The following DCC variants were observed in gnomAD, a reference collection of about 807,000 sequenced individuals.
DCC encodes DCC netrin 1 receptor, also known as netrin receptor DCC.
DCC carries 58 observed loss-of-function variants against 172.5 expected under a neutral mutation model. The observed-to-expected ratio is 0.34, with a 90% CI of 0.27 to 0.42. DCC has a LOEUF of 0.42. Ranked by LOEUF, DCC falls within the 10% of genes least tolerant of loss-of-function variation. The pLI is 1.00. For missense variants in DCC, 1,740 were observed against 1,791.0 expected (o/e 0.97, Z 0.51); for synonymous variants, 709 against 644.5 (o/e 1.10, Z -1.52).
At chr18:53,174,944 C>G (rs1009909577) in intron 8 of DCC, among the ~76,000 whole-genome samples, 1 of 152,128 alleles carries the variant, frequency 6.6e-6, no homozygotes, top group African/African-American at 2.4e-5. Context: ...ACTGGCAAAA[C>G]GAATCCATCA....
At position 52,446,416 on chromosome 18, in the gene DCC, C is replaced by T. The variant is rs141718772; in HGVS notation, c.91+105538C>T. Among the ~76,000 whole-genome samples, 872 of 152,292 alleles carry T rather than the reference C, an allele frequency of 5.7e-3. 12 individuals carry two copies. The highest frequency in any genetic ancestry group is 0.019 in the African/African-American group (790 of 41,554). Reference sequence around the variant, plus strand: ...ACTGGGAACACTGATAGAAGTATCGCCATCTTTCTTCTTTTCCTGGCTTCA... The same window carrying T: ...ACTGGGAACACTGATAGAAGTATCGTCATCTTTCTTCTTTTCCTGGCTTCA... On this transcript the variant is annotated intron_variant, in intron 1 of 28. Transcript: ENST00000442544.
At chr18:52,658,760 T>A (rs746530329) in intron 1 of DCC, among the ~76,000 whole-genome samples, 21 of 151,292 alleles carry the variant, frequency 1.4e-4, no homozygotes, top group East Asian at 1.9e-4. Context: ...GGAAAATATT[T>A]AAAAAAAAAT....
intron 1 of DCC, among the ~76,000 whole-genome samples, chr18:52,573,627 T>C (rs1007670682): frequency 2.6e-5 from 4 of 152,204 alleles, no homozygotes; most frequent in Non-Finnish European, 5.9e-5. Flanking sequence ...AATTAACCTC[T>C]GGTGAGATCA....
intron 7 of DCC, among the ~76,000 whole-genome samples, chr18:53,097,301 G>A (rs180895104): frequency 1.6e-4 from 24 of 152,148 alleles, no homozygotes; most frequent in Non-Finnish European, 2.9e-4. Flanking sequence ...ATCACTTCCC[G>A]GTTGCCCTTC....
chr18:53,516,079 A>C (rs1474401172), intron 27 of DCC, among the ~76,000 whole-genome samples: 1 of 146,390 alleles, frequency 6.8e-6, no homozygotes, highest in African/African-American at 2.8e-5. Flanking sequence ...CCAAAACAGG[A>C]TGGTACTGGT....
intron 8 of DCC, among the ~76,000 whole-genome samples, chr18:53,178,632 G>T (rs1010731782): frequency 2.6e-5 from 4 of 152,164 alleles, no homozygotes; most frequent in African/African-American, 9.7e-5. Flanking sequence ...CTACATTCCA[G>T]ATGTTTCTCC....
chr18:52,455,995 G>A (rs577304213), intron 1 of DCC, among the ~76,000 whole-genome samples: 8 of 152,232 alleles, frequency 5.3e-5, no homozygotes, highest in African/African-American at 1.7e-4. Context: ...AACAAAAAAA[G>A]GTTAACTTTT....
At chr18:53,336,753 GTAGTCCCAGCTAC>G (rs1466473388) in intron 14 of DCC, among the ~76,000 whole-genome samples, 2 of 152,210 alleles carry the variant, frequency 1.3e-5, no homozygotes, top group African/African-American at 4.8e-5. Flanking sequence ...GCACATGCCT[GTAGTCCCAGCTAC>G]TAGGGAGGTT....
chr18:52,813,482 A>C (rs2145254077), intron 2 of DCC, among the ~76,000 whole-genome samples: 1 of 152,334 alleles, frequency 6.6e-6, no homozygotes, highest in Non-Finnish European at 1.5e-5. Flanking sequence ...ATCATGGTGG[A>C]TTCCACAGTA....
chr18:53,049,741 T>C (rs1339217029), intron 5 of DCC, among the ~76,000 whole-genome samples: 2 of 152,054 alleles, frequency 1.3e-5, no homozygotes, highest in Non-Finnish European at 2.9e-5. Flanking sequence ...ATATGATTAG[T>C]AGTTTGATAG....
chr18:52,823,593 G>A (rs1457646938), intron 2 of DCC, among the ~76,000 whole-genome samples: 2 of 151,742 alleles, frequency 1.3e-5, no homozygotes, highest in African/African-American at 2.4e-5. Flanking sequence ...GAGATGTAGG[G>A]GACTCACTCA....
intron 5 of DCC, among the ~76,000 whole-genome samples, chr18:53,051,524 T>G (rs767576894): frequency 1.3e-5 from 2 of 152,186 alleles, no homozygotes; most frequent in Non-Finnish European, 2.9e-5. Context: ...GCTGATGTTC[T>G]TAATTGCTTA....
intron 1 of DCC, among the ~76,000 whole-genome samples, chr18:52,397,987 C>T (rs1986294610): frequency 6.6e-6 from 1 of 151,936 alleles, no homozygotes; most frequent in South Asian, 2.1e-4. Context: ...GATTTGTTTG[C>T]TTTTAAGTAA....
chr18:52,729,274 T>G (rs2036599041), intron 1 of DCC, among the ~76,000 whole-genome samples: 1 of 152,162 alleles, frequency 6.6e-6, no homozygotes. Flanking sequence ...TTTTATTTAT[T>G]TGAGACAGAG....
At chr18:53,158,122 TAA>T (rs905168871) in intron 8 of DCC, among the ~76,000 whole-genome samples, 3 of 140,836 alleles carry the variant, frequency 2.1e-5, no homozygotes, top group East Asian at 2.3e-4. Context: ...CCACGAAAAT[TAA>T]AAGTTTTTTA....
At chr18:53,425,752 C>T (rs946192512) in intron 21 of DCC, among the ~76,000 whole-genome samples, 3 of 152,036 alleles carry the variant, frequency 2.0e-5, no homozygotes, top group Admixed American at 2.0e-4. Context: ...AAATGAAACC[C>T]TGTGTTTATT....
intron 1 of DCC, among the ~76,000 whole-genome samples, chr18:52,626,606 T>C (rs1236962600): frequency 6.6e-6 from 1 of 152,172 alleles, no homozygotes; most frequent in South Asian, 2.1e-4. Context: ...CAAGTCCCTA[T>C]AGGATCTGGC....
In DCC at chr18:53,171,683, G is replaced by A. The variant is rs143032593; in HGVS notation, c.1419-7279G>A. 3.6e-3 allele frequency among the ~76,000 whole-genome samples: 541 copies of A among 151,824 alleles called. 2 individuals carry two copies. Among genetic ancestry groups the A allele is most frequent in the African/African-American group, 0.012 (507 of 41,406 alleles). On this transcript the variant is annotated intron_variant, in intron 8 of 28. Coordinates refer to ENST00000442544, the MANE Select transcript of DCC (RefSeq NM_005215.4). ...CCTGGACATGTCCAGATTTTCTTGC[G>A]TCCCTTTCCTTTAAAGTATACCTGT... is the stretch of plus-strand genomic sequence containing the variant.
At chr18:53,117,586 A>G (rs1598819044) in intron 7 of DCC, among the ~76,000 whole-genome samples, 1 of 151,772 alleles carries the variant, frequency 6.6e-6, no homozygotes, top group African/African-American at 2.4e-5. Flanking sequence ...TGAGAGAATC[A>G]TGGAACCTTT....
Sources: allele counts gnomAD v4.1 joint callset (sites outside exome capture counted in the v4.1 genomes callset), GRCh38; gene constraint gnomAD v4.1.1; transcripts MANE v1.5; gene names NCBI Gene and HGNC (gene_info 2026-07-23, HGNC 2026-07-21).